Variants in COX10 observed in about 807,000 individuals in gnomAD.
COX10 encodes cytochrome c oxidase assembly factor heme A:farnesyltransferase COX10, also known as protoheme IX farnesyltransferase, mitochondrial.
COX10 carries 27 observed loss-of-function variants against 37.3 expected under a neutral mutation model. That is an observed-to-expected ratio of 0.72 (90% CI 0.53 to 1.00). The LOEUF is 1.00. Among genes scored for constraint, COX10 ranks in the 50% least tolerant of loss-of-function variants. The pLI, the probability that COX10 is intolerant of heterozygous loss-of-function variation, is 0.00. For synonymous variants in COX10, 222 were observed against 229.1 expected, an observed-to-expected ratio of 0.97 and a Z score of 0.28; for missense variants, 475 against 563.2, an observed-to-expected ratio of 0.84 and a Z score of 1.59.
intron 4 of COX10, among the ~76,000 whole-genome samples, chr17:14,129,380 G>A (rs1203944173): frequency 1.3e-5 from 2 of 151,990 alleles, no homozygotes; most frequent in Non-Finnish European, 2.9e-5. Flanking sequence ...CAGCTCATGA[G>A]TCCCTTGCCA....
At chr17:14,131,957 G>C (rs762385077) in intron 4 of COX10, among the ~76,000 whole-genome samples, 1 of 151,862 alleles carries the variant, frequency 6.6e-6, no homozygotes, top group Non-Finnish European at 1.5e-5. Context: ...GTTGTTTATG[G>C]GATGATTTCC....
At chr17:14,130,529 A>G (rs978655753) in intron 4 of COX10, among the ~76,000 whole-genome samples, 1 of 1,924 alleles carries the variant, frequency 5.2e-4, no homozygotes, top group African/African-American at 5.9e-4. Flanking sequence ...TAATTCCATC[A>G]TCTATTTAAA....
chr17:14,149,496 G>A (rs1209372960), intron 4 of COX10, among the ~76,000 whole-genome samples: 1 of 152,144 alleles, frequency 6.6e-6, no homozygotes, highest in Non-Finnish European at 1.5e-5. Flanking sequence ...GTGTCTTTGT[G>A]TCTCTCTACC....
intron 4 of COX10, among the ~76,000 whole-genome samples, chr17:14,156,420 G>A (rs1484418875): frequency 2.6e-5 from 4 of 151,866 alleles, no homozygotes; most frequent in African/African-American, 4.8e-5. Flanking sequence ...TAGTAGAGAC[G>A]GGGTTTCATC....
At chr17:14,082,853 G>C (rs1915326910) in intron 3 of COX10, among the ~76,000 whole-genome samples, 1 of 152,204 alleles carries the variant, frequency 6.6e-6, no homozygotes, top group Non-Finnish European at 1.5e-5. Context: ...AGGACTCAGA[G>C]ATCTGCATGT....
intron 4 of COX10, among the ~76,000 whole-genome samples, chr17:14,105,025 A>C (rs549198020): frequency 6.6e-6 from 1 of 152,202 alleles, no homozygotes; most frequent in Admixed American, 6.5e-5. Context: ...TAACTGATCA[A>C]GTCTTGAGAA....
chr17:14,102,120 C>G lies in COX10; in HGVS notation c.502C>G (p.Leu168Val), dbSNP rs1317732083. 6.2e-7 allele frequency: 1 copy of G among 1,613,574 alleles called. No individual in the cohort carries two copies. The highest frequency in any genetic ancestry group is 1.1e-5 in the South Asian group (1 of 91,070). The change falls in exon 4 of 7, where the codon CTG becomes GTG. Residue 168 changes from leucine (L) to valine (V), a missense_variant and splice_region_variant. This residue lies in a region of COX10 where 242 missense variants were observed against 242.5 expected (regional missense o/e 1.00). Transcript: ENST00000261643. ...TCTGCTCTGTTTCTGTATCGCAGCT[C>G]TGGTTGTAAGTACCACTGCAGCTGG... ...ARLSKIKLTA[L>V]VVSTTAAGFA...
chr17:14,154,767 A>C (rs1235448263), intron 4 of COX10, among the ~76,000 whole-genome samples: 1 of 152,210 alleles, frequency 6.6e-6, no homozygotes, highest in Admixed American at 6.5e-5. Flanking sequence ...TGGAGAAATT[A>C]TTCCCATTTG....
At chr17:14,203,888 G>A (rs1057019498) in intron 6 of COX10, among the ~76,000 whole-genome samples, 45 of 152,152 alleles carry the variant, frequency 3.0e-4, no homozygotes, top group African/African-American at 9.9e-4. Flanking sequence ...CCCTGGGCAG[G>A]ATGGTGCTTT....
intron 4 of COX10, among the ~76,000 whole-genome samples, chr17:14,152,047 A>G (rs1336420064): frequency 2.0e-5 from 3 of 152,220 alleles, no homozygotes; most frequent in African/African-American, 7.2e-5. Context: ...AGATTGTTAG[A>G]TAACATGAAT....
In COX10 at chr17:14,207,233, G is replaced by T. The variant is rs375602415; in HGVS notation, c.*20G>T. 1.9e-6 allele frequency: 3 copies of T among 1,558,342 alleles called. No individual in the cohort carries two copies. Among genetic ancestry groups the T allele is most frequent in the Non-Finnish European group, 2.6e-6 (3 of 1,156,296 alleles). On this transcript the variant is annotated 3_prime_UTR_variant, in exon 7 of 7. Transcript: ENST00000261643. Reference sequence around the variant, plus strand: ...AGCTGAGAGCACTGGGACGCCCACCGCCCCTTTCCCTCCGCTGCCAGGCGA... The same window carrying T: ...AGCTGAGAGCACTGGGACGCCCACCTCCCCTTTCCCTCCGCTGCCAGGCGA...
chr17:14,206,734 G>A, intron 6 of COX10, 76 bp from the exon 7 acceptor site: 1 of 1,587,286 alleles, frequency 6.3e-7, no homozygotes. Flanking sequence ...GGCTCTCCCA[G>A]GAGAGGAAAC....
At chr17:14,183,966 A>G (rs949461107) in intron 5 of COX10, among the ~76,000 whole-genome samples, 2 of 152,244 alleles carry the variant, frequency 1.3e-5, no homozygotes, top group Non-Finnish European at 2.9e-5. Flanking sequence ...TAATGAATGA[A>G]TGAATGAATG....
rs62052068 is a variant in COX10 at position 14,191,824 on chromosome 17, A to G, written c.696-165A>G. On this transcript the variant is annotated intron_variant, in intron 5 of 6. Coordinates refer to ENST00000261643, the MANE Select transcript of COX10 (RefSeq NM_001303.4). ...TCCCACAAACATATTCTTTCTTATT[A>G]TAAGTTTGTTTCATAAAGAGGATTC... Among the ~76,000 whole-genome samples the G allele has an allele frequency of 1.5e-3, 219 of 142,676 alleles. 2 individuals carry two copies. The highest frequency in any genetic ancestry group is 2.4e-3 in the Non-Finnish European group (155 of 64,390). 93.6% of individuals were successfully genotyped at this position (142,676 alleles called of 152,430 possible).
chr17:14,205,278 C>T (rs1483952190), intron 6 of COX10, among the ~76,000 whole-genome samples: 1 of 151,930 alleles, frequency 6.6e-6, no homozygotes, highest in Non-Finnish European at 1.5e-5. Flanking sequence ...GAATACTGTC[C>T]CCTCCACCAG....
chr17:14,167,436 A>T (rs571358532), intron 5 of COX10, among the ~76,000 whole-genome samples: 1 of 152,370 alleles, frequency 6.6e-6, no homozygotes, highest in African/African-American at 2.4e-5. Context: ...AAGAAGTTCT[A>T]CTGTGGGTAA....
intron 5 of COX10, among the ~76,000 whole-genome samples, chr17:14,180,845 G>A (rs988723461): frequency 2.0e-5 from 3 of 152,188 alleles, no homozygotes; most frequent in Non-Finnish European, 4.4e-5. Flanking sequence ...ATTGGTTGGT[G>A]TTAGATGAGT....
intron 3 of COX10, among the ~76,000 whole-genome samples, chr17:14,088,409 C>T (rs1294320056): frequency 1.3e-5 from 2 of 151,366 alleles, no homozygotes; most frequent in African/African-American, 4.9e-5. Flanking sequence ...TGGGGCTCTA[C>T]AAATGCTTTA....
intron 4 of COX10, among the ~76,000 whole-genome samples, chr17:14,151,426 G>A (rs1248986370): frequency 6.6e-6 from 1 of 151,936 alleles, no homozygotes; most frequent in Non-Finnish European, 1.5e-5. Context: ...GAGTCCAGTT[G>A]CTATCTATTT....
Sources: gnomAD v4.1 joint callset for allele counts (sites outside exome capture counted in the v4.1 genomes callset) on GRCh38, gnomAD v4.1.1 for gene constraint, gnomAD v4.1.1 regional missense constraint, MANE v1.5 for transcripts, NCBI Gene and HGNC (gene_info 2026-07-23, HGNC 2026-07-21) for gene names.